The following SLC25A26 variants were observed in gnomAD, a reference collection of about 807,000 sequenced individuals.
SLC25A26 encodes the protein mitochondrial S-adenosylmethionine carrier protein.
In SLC25A26, 36 loss-of-function variants were observed where a neutral mutation model predicts 37.8. The observed-to-expected ratio is 0.95, with a 90% CI of 0.73 to 1.26. SLC25A26 has a LOEUF of 1.26. SLC25A26 is among the 50% of genes most tolerant of loss of function. The probability of loss-of-function intolerance (pLI) is 0.00; values close to 1 mark genes in which losing one functional copy is unlikely to be tolerated. For synonymous variants in SLC25A26, 129 were observed against 122.5 expected, an observed-to-expected ratio of 1.05 and a Z score of -0.35; for missense variants, 390 against 331.1, an observed-to-expected ratio of 1.18 and a Z score of -1.38.
At chr3:66,332,600 T>C (rs560439860) in intron 5 of SLC25A26, among the ~76,000 whole-genome samples, 86 of 152,274 alleles carry the variant, frequency 5.6e-4, no homozygotes, top group African/African-American at 1.9e-3. Flanking sequence ...TTTGTTGAGA[T>C]GAGGTCTCAC....
At chr3:66,370,281 G>C (rs1357759716) in intron 8 of SLC25A26, among the ~76,000 whole-genome samples, 3 of 152,196 alleles carry the variant, frequency 2.0e-5, no homozygotes, top group African/African-American at 7.2e-5. Flanking sequence ...TAGTTCATCA[G>C]TCATCTCGTG....
chr3:66,182,552 G>T (rs2070732692), intron 1 of SLC25A26, among the ~76,000 whole-genome samples: 1 of 152,120 alleles, frequency 6.6e-6, no homozygotes, highest in Admixed American at 6.5e-5. Context: ...CCTAAAAGTT[G>T]CAAGGAGTCA....
intron 1 of SLC25A26, among the ~76,000 whole-genome samples, chr3:66,183,666 C>A (rs1223704266): frequency 6.6e-6 from 1 of 152,004 alleles, no homozygotes; most frequent in Non-Finnish European, 1.5e-5. Flanking sequence ...ACGATCTTGA[C>A]CCTGACCTTG....
chr3:66,320,392 C>A (rs1009700483), intron 5 of SLC25A26, among the ~76,000 whole-genome samples: 1 of 152,164 alleles, frequency 6.6e-6, no homozygotes, highest in African/African-American at 2.4e-5. Flanking sequence ...TTTCACTTAG[C>A]TCAGTGTTTT....
At chr3:66,162,344 C>CTTTTTTT (rs562402223) in intron 1 of SLC25A26, among the ~76,000 whole-genome samples, 2 of 47,354 alleles carry the variant, frequency 4.2e-5, no homozygotes, top group African/African-American at 7.4e-5. Flanking sequence ...ATTTTTTTTT[C>CTTTTTTT]TTTTTTTTTT....
chr3:66,321,428 C>T (rs997581295), intron 5 of SLC25A26, among the ~76,000 whole-genome samples: 1 of 152,202 alleles, frequency 6.6e-6, no homozygotes, highest in Non-Finnish European at 1.5e-5. Context: ...TCAGAGTGCG[C>T]TAGTATGGAG....
At chr3:66,245,128 G>A (rs1259856798) in intron 3 of SLC25A26, among the ~76,000 whole-genome samples, 1 of 150,696 alleles carries the variant, frequency 6.6e-6, no homozygotes, top group Non-Finnish European at 1.5e-5. Context: ...GACTGGTCTC[G>A]AACTCCTGGT....
chr3:66,345,587 C>A (rs1392306918), intron 5 of SLC25A26, among the ~76,000 whole-genome samples: 1 of 150,906 alleles, frequency 6.6e-6, no homozygotes, highest in African/African-American at 2.4e-5. Flanking sequence ...CTTTCCTTTT[C>A]TTCCACTCCT....
At chr3:66,264,388 A>G (rs535052021) in intron 5 of SLC25A26, among the ~76,000 whole-genome samples, 2 of 152,304 alleles carry the variant, frequency 1.3e-5, no homozygotes, top group East Asian at 1.9e-4. Context: ...AGGGACCCCA[A>G]CCCCAGGGCC....
intron 1 of SLC25A26, among the ~76,000 whole-genome samples, chr3:66,171,658 T>C (rs969544437): frequency 6.6e-6 from 1 of 152,158 alleles, no homozygotes; most frequent in African/African-American, 2.4e-5. Flanking sequence ...CCTGGCTACT[T>C]TCTGTATTTT....
intron 5 of SLC25A26, among the ~76,000 whole-genome samples, chr3:66,330,843 T>A (rs971754685): frequency 5.3e-5 from 8 of 152,134 alleles, no homozygotes; most frequent in African/African-American, 1.7e-4. Flanking sequence ...AGAACCACAC[T>A]CATTTGCAAG....
chr3:66,306,978 T>C (rs2075244052), intron 5 of SLC25A26, among the ~76,000 whole-genome samples: 1 of 145,210 alleles, frequency 6.9e-6, no homozygotes, highest in African/African-American at 2.4e-5. Context: ...TGTGTGTGTG[T>C]GCCTTTATAG....
chr3:66,263,214 T>G, intron 4 of SLC25A26, 118 bp from the exon 5 acceptor site: 1 of 717,524 alleles, frequency 1.4e-6, no homozygotes, highest in Non-Finnish European at 2.5e-6. Context: ...CTTAGAGAAG[T>G]GTGGCAATTG....
intron 1 of SLC25A26, among the ~76,000 whole-genome samples, chr3:66,235,199 G>A (rs2072216621): frequency 6.6e-6 from 1 of 152,062 alleles, no homozygotes; most frequent in South Asian, 2.1e-4. Flanking sequence ...ATATGTATTA[G>A]CCTTTCTTTG....
intron 5 of SLC25A26, among the ~76,000 whole-genome samples, chr3:66,332,993 T>C (rs1194801741): frequency 1.3e-5 from 2 of 152,194 alleles, no homozygotes; most frequent in African/African-American, 4.8e-5. Flanking sequence ...TTGCTACTTT[T>C]CTCTTAGTAT....
At chr3:66,216,269 T>C (rs1254165366), upstream of SLC25A26, among the ~76,000 whole-genome samples, 1 of 152,152 alleles carries the variant, frequency 6.6e-6, no homozygotes, top group South Asian at 2.1e-4. Flanking sequence ...CCACTTATAA[T>C]TCTAGGCTGA....
At chr3:66,368,923 A>T (rs1700181707) in intron 7 of SLC25A26, among the ~76,000 whole-genome samples, 1 of 151,128 alleles carries the variant, frequency 6.6e-6, no homozygotes, top group African/African-American at 2.4e-5. Flanking sequence ...GAGGAGGCTA[A>T]GGTGGAGAGA....
At chr3:66,377,058 A>AG (rs1360957316) in intron 9 of SLC25A26, among the ~76,000 whole-genome samples, 3 of 151,712 alleles carry the variant, frequency 2.0e-5, no homozygotes, top group East Asian at 1.9e-4. Flanking sequence ...AGGTATGGGG[A>AG]GGGGGGGCAG....
intron 5 of SLC25A26, among the ~76,000 whole-genome samples, chr3:66,298,710 C>T (rs1291873295): frequency 3.2e-4 from 48 of 152,118 alleles, no homozygotes; most frequent in Admixed American, 2.9e-3. Flanking sequence ...AGTCACACTA[C>T]TGATCTGTGT....
Sources: gnomAD v4.1 joint callset for allele counts (sites outside exome capture counted in the v4.1 genomes callset) on GRCh38, gnomAD v4.1.1 for gene constraint, MANE v1.5 for transcripts, NCBI Gene and HGNC (gene_info 2026-07-23, HGNC 2026-07-21) for gene names.